The following PTPRJ variants were observed in gnomAD, a reference collection of about 807,000 sequenced individuals.
The protein encoded by PTPRJ is protein tyrosine phosphatase receptor type J, also known as receptor-type tyrosine-protein phosphatase eta.
In PTPRJ, 129 loss-of-function variants were observed where a neutral mutation model predicts 141.3. The ratio of observed to expected loss-of-function variants is 0.91; its 90% CI spans 0.79 to 1.06. The LOEUF (loss-of-function observed/expected upper bound fraction) is 1.06. PTPRJ is among the 50% of genes least tolerant of loss of function. PTPRJ has a pLI of 0.00. For synonymous variants in PTPRJ, 610 were observed against 640.5 expected (o/e 0.95, Z 0.72); for missense variants, 1,601 against 1,679.7 (o/e 0.95, Z 0.82).
chr11:48,126,815 C>CAT (rs1856846091), intron 6 of PTPRJ, among the ~76,000 whole-genome samples: 13 of 138,098 alleles, frequency 9.4e-5, no homozygotes, highest in Admixed American at 2.1e-4. Context: ...CACACACACA[C>CAT]ACACAGATAA....
At chr11:48,088,188 G>A (rs1855767241) in intron 1 of PTPRJ, among the ~76,000 whole-genome samples, 1 of 152,190 alleles carries the variant, frequency 6.6e-6, no homozygotes, top group African/African-American at 2.4e-5. Context: ...GAGATGACAT[G>A]TCCCCTTCTT....
chr11:48,057,038 G>A (rs1356725710), intron 1 of PTPRJ, among the ~76,000 whole-genome samples: 1 of 152,220 alleles, frequency 6.6e-6, no homozygotes, highest in Non-Finnish European at 1.5e-5. Flanking sequence ...GAAAAGAGCA[G>A]GGACTTTAGA....
At chr11:48,122,187 G>C (rs899889592) in intron 4 of PTPRJ, among the ~76,000 whole-genome samples, 1 of 152,162 alleles carries the variant, frequency 6.6e-6, no homozygotes, top group Non-Finnish European at 1.5e-5. Flanking sequence ...ACTATTTTAG[G>C]GGGGAAAACC....
chr11:48,021,376 A>T (rs11821014), intron 1 of PTPRJ, among the ~76,000 whole-genome samples: 24 of 136,538 alleles, frequency 1.8e-4, no homozygotes, highest in African/African-American at 6.0e-4. Context: ...CTCCGTCCCT[A>T]AAATAAATAA....
intron 12 of PTPRJ, 130 bp downstream of exon 12, chr11:48,143,180 C>G: frequency 8.2e-7 from 1 of 1,217,268 alleles, no homozygotes; most frequent in Non-Finnish European, 1.1e-6. Context: ...ATGCTGTGTA[C>G]TCAGACAGAG....
intron 1 of PTPRJ, among the ~76,000 whole-genome samples, chr11:48,005,104 C>T (rs1309602383): frequency 2.0e-5 from 3 of 152,038 alleles, no homozygotes; most frequent in Non-Finnish European, 4.4e-5. Flanking sequence ...TGCCTCTAAT[C>T]CCACCTGCTT....
chr11:48,085,609 TGCTGGGATTGCGG>T (rs945450545), intron 1 of PTPRJ, among the ~76,000 whole-genome samples: 39 of 152,278 alleles, frequency 2.6e-4, no homozygotes, highest in African/African-American at 8.2e-4. Flanking sequence ...CCTCCCAAAG[TGCTGGGATTGCGG>T]GCTGGGATTG....
intron 21 of PTPRJ, among the ~76,000 whole-genome samples, chr11:48,157,352 T>C (rs911243992): frequency 6.6e-6 from 1 of 152,200 alleles, no homozygotes; most frequent in South Asian, 2.1e-4. Context: ...GAAAAACACA[T>C]GCTAATCTAA....
chr11:47,984,653 G>C (rs990111083), intron 1 of PTPRJ, among the ~76,000 whole-genome samples: 2 of 152,016 alleles, frequency 1.3e-5, no homozygotes, highest in African/African-American at 4.8e-5. Context: ...CCACCTCCTG[G>C]GTTCAAGTGA....
chr11:48,130,371 C>T, intron 7 of PTPRJ, 88 bp from the exon 8 acceptor site: 1 of 1,330,328 alleles, frequency 7.5e-7, no homozygotes, highest in Non-Finnish European at 1.0e-6. Flanking sequence ...CCTAAGTGTA[C>T]ATTTCATCTC....
chr11:48,035,154 C>T (rs1442400833), intron 1 of PTPRJ, among the ~76,000 whole-genome samples: 1 of 152,182 alleles, frequency 6.6e-6, no homozygotes, highest in Non-Finnish European at 1.5e-5. Context: ...GCCCATGGCA[C>T]CCAGTTGTGT....
intron 11 of PTPRJ, among the ~76,000 whole-genome samples, chr11:48,142,307 A>G (rs1177946836): frequency 1.3e-5 from 2 of 152,060 alleles, no homozygotes; most frequent in African/African-American, 2.4e-5. Context: ...TTCTTTCTCA[A>G]CGCTACTTTG....
chr11:48,109,165 G>A (rs1355724175), intron 1 of PTPRJ, among the ~76,000 whole-genome samples: 2 of 152,156 alleles, frequency 1.3e-5, no homozygotes, highest in Non-Finnish European at 2.9e-5. Flanking sequence ...AGTGAGACCA[G>A]AGGGGCTAGT....
At position 48,123,633 on chromosome 11, in the gene PTPRJ, CT is replaced by C; in HGVS notation, c.638del (p.Leu213ProfsTer8). On this transcript the variant is annotated frameshift_variant, in exon 5 of 25. Transcript: ENST00000418331. LOFTEE classifies it high-confidence loss of function. ...VITEPIPVSD[L>X]RVALTGVRKA... ...AATAGAGCCGATCCCAGTTTCTGAT[CT>C]CCGTGTTGCCCTCACGGGTGTGAGG... 1 of 1,613,424 alleles carries C rather than the reference CT, an allele frequency of 6.2e-7. No individual in the cohort carries two copies. Among genetic ancestry groups the C allele is most frequent in the Non-Finnish European group, 8.5e-7 (1 of 1,179,718 alleles).
intron 1 of PTPRJ, among the ~76,000 whole-genome samples, chr11:48,015,043 G>C (rs1285438507): frequency 6.6e-6 from 1 of 152,014 alleles, no homozygotes; most frequent in Non-Finnish European, 1.5e-5. Context: ...CTGAGCTCTA[G>C]GGGTCAAGAG....
chr11:48,068,493 C>A (rs1365850116), intron 1 of PTPRJ, among the ~76,000 whole-genome samples: 2 of 152,124 alleles, frequency 1.3e-5, no homozygotes, highest in Non-Finnish European at 2.9e-5. Context: ...TGACTTTGCG[C>A]CTCCTTCCCC....
chr11:48,163,523 TC>T lies in PTPRJ; in HGVS notation c.3627del (p.Asp1210ThrfsTer17). 5 of 1,613,860 alleles carry T rather than the reference TC, an allele frequency of 3.1e-6. No homozygotes were observed. The highest frequency in any genetic ancestry group is 4.2e-6 in the Non-Finnish European group (5 of 1,179,748). Reference protein sequence around the residue: ...HFTSWPDHGVPDTTDLLINFR... With the variant: ...HFTSWPDHGVXDTTDLLINFR... ...TCACCTCCTGGCCAGACCACGGTGT[TC>T]CCGACACCACTGACCTGCTCATCAA... On this transcript the variant is annotated frameshift_variant, in exon 23 of 25. Transcript: ENST00000418331. LOFTEE classifies it high-confidence loss of function.
At chr11:48,146,835 T>C (rs2134371620) in intron 14 of PTPRJ, 41 bp from the exon 15 acceptor site, 1 of 1,555,498 alleles carries the variant, frequency 6.4e-7, no homozygotes, top group East Asian at 2.2e-5. Context: ...GTGGTCTGCA[T>C]GAACACCTCT....
chr11:48,069,372 T>C (rs1315096813), intron 1 of PTPRJ, among the ~76,000 whole-genome samples: 1 of 151,864 alleles, frequency 6.6e-6, no homozygotes, highest in Non-Finnish European at 1.5e-5. Flanking sequence ...GTGCTGAGAT[T>C]ACAGGCATGA....
Sources: gnomAD v4.1 joint callset for allele counts (sites outside exome capture counted in the v4.1 genomes callset) on GRCh38, gnomAD v4.1.1 for gene constraint, MANE v1.5 for transcripts, NCBI Gene and HGNC (gene_info 2026-07-23, HGNC 2026-07-21) for gene names.